The following GLI3 variants were observed in gnomAD, a reference collection of about 807,000 sequenced individuals.
GLI3 encodes the protein transcription activator GLI3.
A neutral mutation model predicts 100.8 loss-of-function variants in GLI3; 20 were observed. That is an observed-to-expected ratio of 0.20 (90% CI 0.14 to 0.29). The LOEUF is 0.29. GLI3 is among the 10% of genes least tolerant of loss of function. GLI3 has a pLI of 1.00. For missense variants in GLI3, 2,040 were observed against 2,128.5 expected (o/e 0.96, Z 0.82); for synonymous variants, 938 against 860.5 (o/e 1.09, Z -1.58).
chr7:42,075,675 C>T (rs1000791365), intron 4 of GLI3, among the ~76,000 whole-genome samples: 1 of 152,162 alleles, frequency 6.6e-6, no homozygotes, highest in African/African-American at 2.4e-5. Flanking sequence ...TAGAAGTCTG[C>T]AACACAGATT....
chr7:42,043,273 A>G (rs1403579440), intron 6 of GLI3, among the ~76,000 whole-genome samples: 1 of 152,248 alleles, frequency 6.6e-6, no homozygotes, highest in African/African-American at 2.4e-5. Context: ...TACTTCAATT[A>G]CTTTAGAGGA....
intron 10 of GLI3, among the ~76,000 whole-genome samples, chr7:42,005,710 G>A (rs532559359): frequency 1.6e-3 from 249 of 152,232 alleles, no homozygotes; most frequent in African/African-American, 5.8e-3. Context: ...ACGTGGGAAG[G>A]GAGGGAAGCG....
chr7:42,111,474 G>A (rs1785704936), intron 3 of GLI3, among the ~76,000 whole-genome samples: 1 of 152,124 alleles, frequency 6.6e-6, no homozygotes, highest in Non-Finnish European at 1.5e-5. Flanking sequence ...GCAGTATGAA[G>A]GACAGACTGG....
intron 1 of GLI3, among the ~76,000 whole-genome samples, chr7:42,236,092 G>C (rs905320883): frequency 6.6e-6 from 1 of 152,144 alleles, no homozygotes; most frequent in Non-Finnish European, 1.5e-5. Context: ...GGAGCACAAA[G>C]TTCAGGAAAG....
intron 2 of GLI3, among the ~76,000 whole-genome samples, chr7:42,156,704 T>G (rs1432360943): frequency 6.6e-6 from 1 of 152,240 alleles, no homozygotes; most frequent in Non-Finnish European, 1.5e-5. Context: ...CCAGCCCCTG[T>G]GTGGCCAGAG....
chr7:42,182,660 A>ATATATACATGTGTG lies in GLI3; in HGVS notation c.125-34193_125-34192insCACACATGTATATA, dbSNP rs1554337053. ...TATGTGTGTGTATATATATATATAT[A>ATATATACATGTGTG]TATATATATATATATATATATACAC... On this transcript the variant is annotated intron_variant, in intron 2 of 14. Transcript: ENST00000395925. Among the ~76,000 whole-genome samples the ATATATACATGTGTG allele has an allele frequency of 2.5e-4, 15 of 59,136 alleles. 1 individual carries two copies. The highest frequency in any genetic ancestry group is 1.5e-3 in the African/African-American group (15 of 10,312). The allele number at this position is 59,136 out of a possible 152,430, so 38.8% of individuals were successfully genotyped here.
intron 11 of GLI3, 75 bp downstream of exon 11, chr7:41,978,524 G>T: frequency 7.2e-7 from 1 of 1,383,698 alleles, no homozygotes; most frequent in Non-Finnish European, 1.0e-6. Flanking sequence ...CCCTGAGCTG[G>T]TGTCATCAGT....
intron 1 of GLI3, among the ~76,000 whole-genome samples, chr7:42,244,442 G>A (rs1184007885): frequency 6.6e-6 from 1 of 152,170 alleles, no homozygotes; most frequent in African/African-American, 2.4e-5. Flanking sequence ...CAGCACTTTT[G>A]TATGAAGTTT....
intron 3 of GLI3, among the ~76,000 whole-genome samples, chr7:42,113,967 C>T (rs1473947696): frequency 2.0e-5 from 3 of 152,198 alleles, no homozygotes; most frequent in African/African-American, 7.2e-5. Flanking sequence ...TTTATGTCCT[C>T]TTCTCCCTTT....
At chr7:42,084,231 G>A (rs959525927) in intron 3 of GLI3, among the ~76,000 whole-genome samples, 1 of 152,164 alleles carries the variant, frequency 6.6e-6, no homozygotes, top group Non-Finnish European at 1.5e-5. Flanking sequence ...CAGTCAGATA[G>A]ATCCCTTCTG....
At chr7:42,096,870 G>T (rs902276700) in intron 3 of GLI3, among the ~76,000 whole-genome samples, 1 of 152,236 alleles carries the variant, frequency 6.6e-6, no homozygotes, top group Admixed American at 6.5e-5. Flanking sequence ...GGATGTGATT[G>T]TGAGGGTTGG....
At chr7:42,190,832 T>C (rs1008994868) in intron 2 of GLI3, among the ~76,000 whole-genome samples, 3 of 152,028 alleles carry the variant, frequency 2.0e-5, no homozygotes, top group Non-Finnish European at 4.4e-5. Flanking sequence ...TAGAATCAAA[T>C]AGACCTTATA....
intron 2 of GLI3, among the ~76,000 whole-genome samples, chr7:42,181,631 C>G (rs573659451): frequency 6.6e-6 from 1 of 152,162 alleles, no homozygotes; most frequent in South Asian, 2.1e-4. Flanking sequence ...ACAACAAAAA[C>G]AAAAACAAAA....
chr7:42,077,325 G>C (rs1164457178), intron 3 of GLI3, among the ~76,000 whole-genome samples: 1 of 151,478 alleles, frequency 6.6e-6, no homozygotes, highest in Non-Finnish European at 1.5e-5. Context: ...AGAGTGAAAG[G>C]CTTGCTAGAA....
intron 3 of GLI3, among the ~76,000 whole-genome samples, chr7:42,121,431 T>C (rs549314813): frequency 6.6e-6 from 1 of 152,336 alleles, no homozygotes; most frequent in South Asian, 2.1e-4. Context: ...GCAGTGAAGG[T>C]AAGCGGTACC....
chr7:42,043,892 A>G (rs377261632), intron 6 of GLI3, among the ~76,000 whole-genome samples: 3 of 152,154 alleles, frequency 2.0e-5, no homozygotes, highest in East Asian at 1.9e-4. Context: ...TTTTTCAACA[A>G]TCGCTAATTG....
chr7:42,125,280 C>T (rs1491000425), intron 3 of GLI3, among the ~76,000 whole-genome samples: 1 of 152,084 alleles, frequency 6.6e-6, no homozygotes, highest in Non-Finnish European at 1.5e-5. Context: ...GGCCCTTGGA[C>T]AAAACCATCT....
At position 42,144,430 on chromosome 7, in the gene GLI3, G is replaced by A. The variant is rs1222177133; in HGVS notation, c.367+3796C>T. ...ACTTTTGCGCCTTGATATACAGCCC[G>A]TCCACTGCGACCCTTCATGAGAGAA... is the stretch of plus-strand genomic sequence containing the variant. On this transcript the variant is annotated intron_variant, in intron 3 of 14. Coordinates refer to ENST00000395925, the MANE Select transcript of GLI3 (RefSeq NM_000168.6). 2.6e-5 allele frequency among the ~76,000 whole-genome samples: 4 copies of A among 152,136 alleles called. No homozygotes were observed. In the South Asian group the frequency reaches 6.2e-4, roughly 24 times the overall value.
intron 10 of GLI3, among the ~76,000 whole-genome samples, chr7:42,007,203 T>G (rs1350215471): frequency 2.1e-5 from 2 of 96,828 alleles, no homozygotes; most frequent in Non-Finnish European, 4.0e-5. Context: ...ACCAAGATAA[T>G]GATGCTAAGG....
Sources: allele counts gnomAD v4.1 joint callset (sites outside exome capture counted in the v4.1 genomes callset), GRCh38; gene constraint gnomAD v4.1.1; transcripts MANE v1.5; gene names NCBI Gene and HGNC (gene_info 2026-07-23, HGNC 2026-07-21).